Variants in RALGPS2 observed in about 807,000 individuals in gnomAD.
The protein encoded by RALGPS2 is ras-specific guanine nucleotide-releasing factor RalGPS2.
RALGPS2 carries 43 observed loss-of-function variants against 86.8 expected under a neutral mutation model. The observed-to-expected ratio is 0.50, with a 90% CI of 0.39 to 0.64. The LOEUF is 0.64. Among genes scored for constraint, RALGPS2 ranks in the 30% least tolerant of loss-of-function variants. The pLI, the probability that RALGPS2 is intolerant of heterozygous loss-of-function variation, is 0.00. For synonymous variants in RALGPS2, 243 were observed against 231.3 expected, an observed-to-expected ratio of 1.05 and a Z score of -0.46; for missense variants, 536 against 694.6, an observed-to-expected ratio of 0.77 and a Z score of 2.57.
chr1:178,911,717 T>A (rs1660634005), intron 19 of RALGPS2, among the ~76,000 whole-genome samples: 1 of 152,252 alleles, frequency 6.6e-6, no homozygotes. Flanking sequence ...TCTGTAGATG[T>A]CTGTTGGGTC....
At chr1:178,833,366 C>G (rs1310131522) in intron 7 of RALGPS2, 58 bp from the exon 8 acceptor site, 6 of 1,409,844 alleles carry the variant, frequency 4.3e-6, no homozygotes, top group Admixed American at 3.0e-5. Context: ...CAGTTCAGGT[C>G]TTTGCTACAA....
intron 19 of RALGPS2, among the ~76,000 whole-genome samples, chr1:178,910,338 C>A (rs1660573242): frequency 6.6e-6 from 1 of 152,110 alleles, no homozygotes; most frequent in Non-Finnish European, 1.5e-5. Context: ...TTGTCCTGTT[C>A]CAGTTCTGTA....
chr1:178,776,726 G>A lies in RALGPS2; in HGVS notation c.-39G>A, dbSNP rs373854985. On this transcript the variant is annotated 5_prime_UTR_variant, in exon 2 of 20. Transcript: ENST00000367635. Reference sequence around the variant, plus strand: ...TTGGACATGAGGCAGTCAGTCCTCTGTTGCTGTTAACATAAGGTCAGGGAC... The same window carrying A: ...TTGGACATGAGGCAGTCAGTCCTCTATTGCTGTTAACATAAGGTCAGGGAC... The A allele has an allele frequency of 5.9e-6, 9 of 1,532,376 alleles. No individual in the cohort carries two copies. The African/African-American group carries it at 8.3e-5, about 14-fold the overall frequency. The allele number at this position is 1,532,376 out of a possible 1,614,324, so 94.9% of individuals were successfully genotyped here. A position where few individuals can be genotyped will look rare whatever the true frequency, so the allele number is the denominator to read the frequency against.
intron 1 of RALGPS2, among the ~76,000 whole-genome samples, chr1:178,767,321 T>A (rs554992793): frequency 6.6e-6 from 1 of 151,696 alleles, no homozygotes; most frequent in Non-Finnish European, 1.5e-5. Context: ...CCATGTGGGC[T>A]GATATTTCTT....
intron 1 of RALGPS2, among the ~76,000 whole-genome samples, chr1:178,749,631 CTTGGGA>C (rs1402890928): frequency 6.6e-6 from 1 of 152,140 alleles, no homozygotes; most frequent in Non-Finnish European, 1.5e-5. Context: ...CGGAGTAACA[CTTGGGA>C]TTTTGTAAAT....
intron 8 of RALGPS2, among the ~76,000 whole-genome samples, chr1:178,863,238 G>A (rs1276804764): frequency 6.6e-6 from 1 of 152,180 alleles, no homozygotes; most frequent in Non-Finnish European, 1.5e-5. Flanking sequence ...TCAGTGGACT[G>A]TGTATGGGGC....
At chr1:178,794,709 G>A (rs961074104) in intron 4 of RALGPS2, among the ~76,000 whole-genome samples, 85 of 152,124 alleles carry the variant, frequency 5.6e-4, no homozygotes, top group Non-Finnish European at 1.9e-4. Context: ...TTGCAGTGCG[G>A]TTTTCTTTCC....
chr1:178,788,466 A>G (rs1203944468), intron 4 of RALGPS2, among the ~76,000 whole-genome samples: 3 of 152,152 alleles, frequency 2.0e-5, no homozygotes, highest in African/African-American at 7.2e-5. Context: ...GTGTGAGGGT[A>G]GTGGGAGTTG....
At chr1:178,865,507 A>C in intron 8 of RALGPS2, 1 of 1,614,002 alleles carries the variant, frequency 6.2e-7, no homozygotes, top group African/African-American at 1.3e-5. Flanking sequence ...TGGAGAGCAC[A>C]TCCTTCAGGT....
intron 10 of RALGPS2, among the ~76,000 whole-genome samples, chr1:178,883,063 T>C (rs1180582466): frequency 6.6e-6 from 1 of 152,228 alleles, no homozygotes; most frequent in Non-Finnish European, 1.5e-5. Flanking sequence ...TTGGCAACTT[T>C]GGGGTAATTG....
intron 1 of RALGPS2, among the ~76,000 whole-genome samples, chr1:178,761,805 C>T (rs1652256199): frequency 6.6e-6 from 1 of 152,070 alleles, no homozygotes; most frequent in South Asian, 2.1e-4. Context: ...AAATGATCCA[C>T]CCGCCTTCAC....
chr1:178,726,925 A>G (rs565159065), intron 1 of RALGPS2, among the ~76,000 whole-genome samples: 2 of 152,370 alleles, frequency 1.3e-5, no homozygotes, highest in African/African-American at 4.8e-5. Context: ...AATCATACAC[A>G]TAAGTGTATT....
At chr1:178,725,448 C>T (rs1310722047) in intron 1 of RALGPS2, 29 bp downstream of exon 1, 1 of 17,718 alleles carries the variant, frequency 5.6e-5, no homozygotes, top group African/African-American at 2.1e-4. Context: ...CGGGGCGGTG[C>T]GGGGGAGGGA....
chr1:178,885,269 G>A (rs1343576831), intron 12 of RALGPS2, 58 bp downstream of exon 12: 2 of 1,517,772 alleles, frequency 1.3e-6, no homozygotes, highest in Admixed American at 1.9e-5. Context: ...TGGATTTATT[G>A]TCGATTTATT....
intron 8 of RALGPS2, chr1:178,852,561 TC>T: frequency 2.0e-6 from 2 of 1,006,500 alleles, no homozygotes; most frequent in South Asian, 2.1e-5. Context: ...TGGTTGTATT[TC>T]CTGCCACAGT....
intron 7 of RALGPS2, among the ~76,000 whole-genome samples, chr1:178,829,235 G>A (rs1030486713): frequency 1.3e-5 from 2 of 152,206 alleles, no homozygotes; most frequent in South Asian, 2.1e-4. Context: ...GTAGAAGGAT[G>A]GTTGCTGAGG....
In RALGPS2 at chr1:178,873,729, C is replaced by A. The variant is rs568358864; in HGVS notation, c.608-3769C>A. 7.9e-5 allele frequency among the ~76,000 whole-genome samples: 12 copies of A among 152,288 alleles called. No individual in the cohort carries two copies. The East Asian group carries it at 2.1e-3, about 27-fold the overall frequency. On this transcript the variant is annotated intron_variant, in intron 8 of 19. Coordinates refer to ENST00000367635, the MANE Select transcript of RALGPS2 (RefSeq NM_152663.5). ...TCTATCAAATAAAATGGATGAGTTA[C>A]AATTGTCACACATTAGCTTGTTCTC...
intron 1 of RALGPS2, among the ~76,000 whole-genome samples, chr1:178,751,631 A>C (rs1651662987): frequency 6.6e-6 from 1 of 152,188 alleles, no homozygotes; most frequent in African/African-American, 2.4e-5. Flanking sequence ...AATCTCTGTA[A>C]CACCTCAATA....
intron 8 of RALGPS2, among the ~76,000 whole-genome samples, chr1:178,835,616 T>C (rs1055488063): frequency 6.6e-6 from 1 of 151,808 alleles, no homozygotes; most frequent in African/African-American, 2.4e-5. Flanking sequence ...TAGTCTTGAA[T>C]TCCTGACCTC....
Sources: allele counts gnomAD v4.1 joint callset (sites outside exome capture counted in the v4.1 genomes callset), GRCh38; gene constraint gnomAD v4.1.1; transcripts MANE v1.5; gene names NCBI Gene and HGNC (gene_info 2026-07-23, HGNC 2026-07-21).